FRMPD1: variants seen among roughly 807,000 people sequenced by gnomAD.
The protein encoded by FRMPD1 is FERM and PDZ domain containing 1, also known as FERM and PDZ domain-containing protein 1.
In FRMPD1, 76 loss-of-function variants were observed where a neutral mutation model predicts 117.8. That is an observed-to-expected ratio of 0.65 (90% CI 0.54 to 0.78). The LOEUF (loss-of-function observed/expected upper bound fraction) is 0.78. Among genes scored for constraint, FRMPD1 ranks in the 30% least tolerant of loss-of-function variants. The pLI is 0.00. For synonymous variants in FRMPD1, 783 were observed against 770.4 expected, an observed-to-expected ratio of 1.02 and a Z score of -0.27; for missense variants, 1,786 against 1,964.5, an observed-to-expected ratio of 0.91 and a Z score of 1.72.
At chr9:37,636,228 C>A in the FRMPD1 span, among the ~76,000 whole-genome samples, 1 of 152,134 alleles carries the variant, frequency 6.6e-6, no homozygotes, top group Non-Finnish European at 1.5e-5. Flanking sequence ...AGCCCAGGGC[C>A]CTGGATCCCC....
At chr9:37,670,127 C>G (rs1170220019) in intron 1 of FRMPD1, 2 of 152,158 alleles carry the variant, frequency 1.3e-5, no homozygotes, top group Non-Finnish European at 2.9e-5. Context: ...TCTAAGCACA[C>G]TGATAAATTA....
At chr9:37,732,579 C>T (rs751137835) in intron 10 of FRMPD1, 139 bp downstream of exon 10, 59 of 824,652 alleles carry the variant, frequency 7.2e-5, no homozygotes, top group Non-Finnish European at 1.0e-4. Context: ...CCTCTGCACC[C>T]TCTCTAATCT....
chr9:37,686,047 A>G (rs1821929697), intron 1 of FRMPD1, among the ~76,000 whole-genome samples: 1 of 152,180 alleles, frequency 6.6e-6, no homozygotes, highest in African/African-American at 2.4e-5. Context: ...TTGCCTTTTT[A>G]TATTCACATT....
At chr9:37,637,816 G>C in the FRMPD1 span, among the ~76,000 whole-genome samples, 1 of 152,178 alleles carries the variant, frequency 6.6e-6, no homozygotes, top group South Asian at 2.1e-4. Context: ...ATTGAGAAGT[G>C]TAAAGTGTTA....
intron 1 of FRMPD1, among the ~76,000 whole-genome samples, chr9:37,673,310 TCTC>T (rs1320223069): frequency 1.3e-5 from 2 of 152,234 alleles, no homozygotes; most frequent in African/African-American, 4.8e-5. Flanking sequence ...TCCAAAATGA[TCTC>T]CTTTGACTCC....
chr9:37,679,621 A>G (rs1821651642), intron 1 of FRMPD1, among the ~76,000 whole-genome samples: 2 of 152,190 alleles, frequency 1.3e-5, no homozygotes, highest in Non-Finnish European at 2.9e-5. Flanking sequence ...ATCATAGAAT[A>G]TGTGGTCTTT....
At chr9:37,741,003 A>C in intron 15 of FRMPD1, 119 bp downstream of exon 15, 1 of 750,320 alleles carries the variant, frequency 1.3e-6, no homozygotes, top group South Asian at 1.5e-5. Flanking sequence ...GTCCCTGTAC[A>C]CTTCTGAGGA....
intron 6 of FRMPD1, among the ~76,000 whole-genome samples, chr9:37,720,928 C>A (rs1454813192): frequency 6.6e-6 from 1 of 152,220 alleles, no homozygotes; most frequent in Non-Finnish European, 1.5e-5. Context: ...CTCTTCATTT[C>A]AAGAGTCATG....
At chr9:37,615,969 T>G in the FRMPD1 span, among the ~76,000 whole-genome samples, 1 of 151,858 alleles carries the variant, frequency 6.6e-6, no homozygotes, top group Non-Finnish European at 1.5e-5. Flanking sequence ...CCCACCATCA[T>G]GCCCAGCTTG....
rs148808714 is a variant in FRMPD1, at chr9:37,709,892, G to A, written c.362+1391G>A. ...AGTGTGATTCTCCCCCTGGAAGGGC[G>A]AGCAGTTGAAGGCTTCTGAGCAGGG... On this transcript the variant is annotated intron_variant, in intron 4 of 15. Coordinates refer to ENST00000377765, the MANE Select transcript of FRMPD1 (RefSeq NM_014907.3). 5.0e-3 allele frequency among the ~76,000 whole-genome samples: 766 copies of A among 152,306 alleles called. 4 individuals carry two copies. Among genetic ancestry groups the A allele is most frequent in the Non-Finnish European group, 8.2e-3 (556 of 68,026 alleles).
intron 1 of FRMPD1, among the ~76,000 whole-genome samples, chr9:37,651,807 G>A (rs7027222): frequency 0.34 from 51,985 of 152,144 alleles, 9,180 homozygotes; most frequent in East Asian, 0.47. Context: ...AAATAGGGTG[G>A]AAGTCGTGTT....
At chr9:37,650,059 G>A (rs149496530), upstream of FRMPD1, among the ~76,000 whole-genome samples, 1 of 152,292 alleles carries the variant, frequency 6.6e-6, no homozygotes, top group African/African-American at 2.4e-5. Context: ...TATTGTTACA[G>A]GAACTGGACT....
the FRMPD1 span, among the ~76,000 whole-genome samples, chr9:37,604,959 A>G: frequency 6.6e-6 from 1 of 152,236 alleles, no homozygotes; most frequent in Non-Finnish European, 1.5e-5. Flanking sequence ...GGCAGGCTCT[A>G]TTATTTCCAC....
chr9:37,683,597 G>T, intron 1 of FRMPD1, among the ~76,000 whole-genome samples: 1 of 152,242 alleles, frequency 6.6e-6, no homozygotes, highest in East Asian at 1.9e-4. Flanking sequence ...GCAGAGACAC[G>T]AGGGCATGAG....
chr9:37,604,017 C>G, the FRMPD1 span, among the ~76,000 whole-genome samples: 1 of 152,046 alleles, frequency 6.6e-6, no homozygotes, highest in Admixed American at 6.6e-5. Flanking sequence ...CTGAAATTAT[C>G]TGTAATTTAA....
chr9:37,743,741 T>C (rs573398673), intron 15 of FRMPD1, among the ~76,000 whole-genome samples: 24 of 151,432 alleles, frequency 1.6e-4, no homozygotes, highest in African/African-American at 4.8e-4. Flanking sequence ...AATTTAATAA[T>C]GTCTATCACA....
intron 1 of FRMPD1, among the ~76,000 whole-genome samples, chr9:37,656,311 C>T (rs924570447): frequency 1.3e-5 from 2 of 152,212 alleles, no homozygotes; most frequent in African/African-American, 4.8e-5. Context: ...CAAGATGTAG[C>T]TCCTTCATTT....
At chr9:37,631,809 G>T in the FRMPD1 span, among the ~76,000 whole-genome samples, 1 of 152,110 alleles carries the variant, frequency 6.6e-6, no homozygotes, top group Admixed American at 6.5e-5. Context: ...TTGCTATGTT[G>T]CCCAGGCTGG....
chr9:37,608,386 C>CTT, the FRMPD1 span, among the ~76,000 whole-genome samples: 101 of 148,824 alleles, frequency 6.8e-4, no homozygotes, highest in East Asian at 1.8e-3. Flanking sequence ...CTCTTTCTTT[C>CTT]TTTTTTTTTT....
Sources: allele counts gnomAD v4.1 joint callset (sites outside exome capture counted in the v4.1 genomes callset), GRCh38; gene constraint gnomAD v4.1.1; transcripts MANE v1.5; gene names NCBI Gene and HGNC (gene_info 2026-07-23, HGNC 2026-07-21).